CDK13: variants seen among roughly 807,000 people sequenced by gnomAD.
CDK13 encodes the protein cyclin-dependent kinase 13.
A neutral mutation model predicts 137.6 loss-of-function variants in CDK13; 40 were observed. The observed-to-expected ratio is 0.29, with a 90% CI of 0.23 to 0.38. The LOEUF is 0.38. Among genes scored for constraint, CDK13 ranks in the 10% least tolerant of loss-of-function variants. CDK13 has a pLI of 1.00. For missense variants in CDK13, 1,704 were observed against 1,951.8 expected, an observed-to-expected ratio of 0.87 and a Z score of 2.39; for synonymous variants, 869 against 760.1, an observed-to-expected ratio of 1.14 and a Z score of -2.36.
intron 5 of CDK13, among the ~76,000 whole-genome samples, chr7:40,031,730 C>G (rs1049364227): frequency 4.6e-5 from 7 of 151,764 alleles, no homozygotes; most frequent in African/African-American, 7.3e-5. Context: ...ACTGTAGCCT[C>G]AAACTCCCAG....
intron 9 of CDK13, chr7:40,072,925 A>G (rs2150533038): frequency 6.6e-6 from 1 of 152,364 alleles, no homozygotes. Flanking sequence ...ATCAAAACTG[A>G]TAAAACTAAA....
chr7:40,019,249 A>T (rs1785064984), intron 5 of CDK13, among the ~76,000 whole-genome samples: 1 of 152,252 alleles, frequency 6.6e-6, no homozygotes, highest in African/African-American at 2.4e-5. Flanking sequence ...TATTTAAGTC[A>T]TTCCCTCTAA....
intron 5 of CDK13, among the ~76,000 whole-genome samples, chr7:40,032,458 G>A (rs949638871): frequency 2.0e-5 from 3 of 152,064 alleles, no homozygotes; most frequent in Non-Finnish European, 4.4e-5. Context: ...TGTATAAAAC[G>A]TCATTGCCAA....
intron 1 of CDK13, among the ~76,000 whole-genome samples, chr7:39,972,118 A>T (rs1457842575): frequency 6.6e-6 from 1 of 152,202 alleles, no homozygotes; most frequent in East Asian, 1.9e-4. Context: ...TCAGGGAAAC[A>T]TGAAGACAAA....
chr7:40,055,896 T>C (rs1019846772), intron 7 of CDK13, among the ~76,000 whole-genome samples: 5 of 152,172 alleles, frequency 3.3e-5, no homozygotes, highest in African/African-American at 1.2e-4. Context: ...TTTCTTTTAT[T>C]TGTCTGTCTT....
At chr7:40,044,516 G>A (rs1482620591) in intron 5 of CDK13, among the ~76,000 whole-genome samples, 1 of 151,016 alleles carries the variant, frequency 6.6e-6, no homozygotes, top group African/African-American at 2.4e-5. Context: ...ACAGGGTTTC[G>A]ACATGTTGCC....
rs1488609627 is a variant in CDK13, at chr7:39,951,113, C to T, written c.472C>T (p.Leu158=). ...DVSSQSEQGL[L]LGGASAATAA... is the part of the protein sequence containing the mutation. ...GAGCTCCCAGTCCGAGCAGGGGCTGCTGCTGGGGGGGGCCAGCGCGGCAAC... is the reference window on the plus strand; with the variant it reads ...GAGCTCCCAGTCCGAGCAGGGGCTGTTGCTGGGGGGGGCCAGCGCGGCAAC... Residue 158 remains leucine (L), a synonymous_variant, in exon 1 of 14, where the codon CTG becomes TTG. Transcript: ENST00000181839. The T allele has an allele frequency of 3.2e-6, 4 of 1,246,648 alleles. No individual in the cohort carries two copies. Among genetic ancestry groups the T allele is most frequent in the East Asian group, 6.3e-5 (2 of 31,742 alleles). 77.2% of individuals were successfully genotyped at this position (1,246,648 alleles called of 1,614,324 possible).
At position 40,062,792 on chromosome 7, in the gene CDK13, A is replaced by G. The variant is rs529850646; in HGVS notation, c.2601-34A>G. 31 of 1,411,858 alleles carry G rather than the reference A, an allele frequency of 2.2e-5. No homozygotes were observed. The East Asian group carries it at 6.4e-4, about 29-fold the overall frequency. 87.5% of individuals were successfully genotyped at this position (1,411,858 alleles called of 1,614,324 possible). On this transcript the variant is annotated intron_variant, in intron 7 of 13. Transcript: ENST00000181839. ...GAGAATCTGTCTTACTCCAACAAAT[A>G]CTAACTCTAAAGACTGTTTTCTGTG...
At position 39,979,216 on chromosome 7, in the gene CDK13, CTTT is replaced by C. The variant is rs71560152; in HGVS notation, c.1212-8369_1212-8367del. Among the ~76,000 whole-genome samples, 12 of 130,884 alleles carry C rather than the reference CTTT, an allele frequency of 9.2e-5. No individual in the cohort carries two copies. The East Asian group carries it at 1.1e-3, about 12-fold the overall frequency. 85.9% of individuals were successfully genotyped at this position (130,884 alleles called of 152,430 possible). On this transcript the variant is annotated intron_variant, in intron 1 of 13. Transcript: ENST00000181839. ...GTAGATTTTTTTCTTTCTTTTTTTT[CTTT>C]TTTTTTTTTTTTTGAGACAGAGTTT... is the stretch of plus-strand genomic sequence containing the variant.
At chr7:40,011,666 A>G (rs1184972237) in intron 5 of CDK13, among the ~76,000 whole-genome samples, 2 of 152,106 alleles carry the variant, frequency 1.3e-5, no homozygotes, top group Admixed American at 6.6e-5. Flanking sequence ...TGTAAGCACT[A>G]AAACCATAAA....
chr7:39,960,511 C>A (rs904841355), intron 1 of CDK13, among the ~76,000 whole-genome samples: 10 of 152,052 alleles, frequency 6.6e-5, no homozygotes, highest in Non-Finnish European at 1.2e-4. Flanking sequence ...CCCGCCTTGG[C>A]CTCTCAAAGT....
At chr7:39,952,977 G>A (rs1787284690) in intron 1 of CDK13, 1 of 152,164 alleles carries the variant, frequency 6.6e-6, no homozygotes, top group Non-Finnish European at 1.5e-5. Context: ...ATAGTGTAGA[G>A]TATTGCAAAA....
chr7:40,089,298 G>T (rs1786862765), intron 12 of CDK13, among the ~76,000 whole-genome samples: 1 of 151,554 alleles, frequency 6.6e-6, no homozygotes, highest in Admixed American at 6.6e-5. Context: ...AAATTAGCTG[G>T]GCATGGTGGC....
At chr7:39,971,924 A>T (rs938404437) in intron 1 of CDK13, among the ~76,000 whole-genome samples, 3 of 152,184 alleles carry the variant, frequency 2.0e-5, no homozygotes, top group Admixed American at 2.0e-4. Context: ...GTCCAGCCCC[A>T]CACGGTTAGA....
intron 5 of CDK13, among the ~76,000 whole-genome samples, chr7:40,030,902 G>A (rs555401494): frequency 1.3e-5 from 2 of 152,176 alleles, no homozygotes; most frequent in African/African-American, 4.8e-5. Flanking sequence ...ACCACAGTTC[G>A]TTGAACCATT....
In CDK13 at chr7:40,093,153, C is replaced by G; in HGVS notation, c.3604C>G (p.Leu1202Val). Residue 1202 changes from leucine to valine, a missense_variant, in exon 13 of 14, where the codon CTA becomes GTA. By Grantham distance (32) the Leu-to-Val change is conservative. Transcript: ENST00000181839. ...KAQQSKQKDVLLEERENGSGH... is the reference protein window; with the variant it reads ...KAQQSKQKDVVLEERENGSGH... ...TCAGCAGTCAAAGCAGAAAGATGTG[C>G]TACTAGAAGAGAGGGAAAATGGATC... is the stretch of plus-strand genomic sequence containing the variant. 1 of 1,614,128 alleles carries G rather than the reference C, an allele frequency of 6.2e-7. No individual in the cohort carries two copies. Among genetic ancestry groups the G allele is most frequent in the Non-Finnish European group, 8.5e-7 (1 of 1,180,020 alleles).
chr7:40,042,066 A>G (rs1011451706), intron 5 of CDK13, among the ~76,000 whole-genome samples: 2 of 151,500 alleles, frequency 1.3e-5, no homozygotes, highest in Non-Finnish European at 2.9e-5. Context: ...CTGTTGTGGG[A>G]TTGGTATTTT....
intron 5 of CDK13, among the ~76,000 whole-genome samples, chr7:40,015,357 G>A (rs1277596170): frequency 6.6e-6 from 1 of 152,144 alleles, no homozygotes; most frequent in Non-Finnish European, 1.5e-5. Context: ...GTGCAGTAGA[G>A]CACTAGAAAT....
chr7:40,052,454 G>A (rs957897707), intron 7 of CDK13, among the ~76,000 whole-genome samples: 4 of 152,176 alleles, frequency 2.6e-5, no homozygotes, highest in Non-Finnish European at 5.9e-5. Flanking sequence ...TAGGATTACA[G>A]GTGTGAGCCA....
Sources: gnomAD v4.1 joint callset for allele counts (sites outside exome capture counted in the v4.1 genomes callset) on GRCh38, gnomAD v4.1.1 for gene constraint, MANE v1.5 for transcripts, NCBI Gene and HGNC (gene_info 2026-07-23, HGNC 2026-07-21) for gene names.